Variants in SAMD12 observed in about 807,000 individuals in gnomAD.
SAMD12 encodes sterile alpha motif domain containing 12.
Under a neutral mutation model 15.0 loss-of-function variants are expected in SAMD12, and 9 were observed. The observed-to-expected ratio is 0.60, with a 90% confidence interval of 0.36 to 1.05. SAMD12 has a LOEUF of 1.05. Ranked by LOEUF, SAMD12 falls within the 50% of genes least tolerant of loss-of-function variation. SAMD12 has a pLI of 0.01. For synonymous variants in SAMD12, 86 were observed against 90.1 expected (o/e 0.96, Z 0.25); for missense variants, 230 against 234.2 (o/e 0.98, Z 0.12).
chr8:118,556,644 T>C (rs1826539731), intron 2 of SAMD12, among the ~76,000 whole-genome samples: 1 of 152,166 alleles, frequency 6.6e-6, no homozygotes, highest in African/African-American at 2.4e-5. Flanking sequence ...GAGTTTATCC[T>C]CAAGAAACTC....
intron 4 of SAMD12, among the ~76,000 whole-genome samples, chr8:118,241,761 T>C (rs1416608293): frequency 6.6e-6 from 1 of 152,144 alleles, no homozygotes; most frequent in Non-Finnish European, 1.5e-5. Context: ...AATGGTATGG[T>C]ATCAACAAAG....
chr8:118,348,327 C>T (rs1207002204), intron 4 of SAMD12, among the ~76,000 whole-genome samples: 2 of 151,978 alleles, frequency 1.3e-5, no homozygotes, highest in African/African-American at 4.8e-5. Context: ...CCTCGGCCTC[C>T]CAAAGTGTTG....
chr8:118,375,311 CTATGAG>C (rs1040326686), downstream of SAMD12, among the ~76,000 whole-genome samples: 41 of 152,126 alleles, frequency 2.7e-4, no homozygotes, highest in African/African-American at 5.5e-4. Context: ...AGTTGTCTGA[CTATGAG>C]TATATTACTT....
chr8:118,278,047 CAT>C (rs1813514083), intron 4 of SAMD12, among the ~76,000 whole-genome samples: 1 of 152,326 alleles, frequency 6.6e-6, no homozygotes, highest in East Asian at 1.9e-4. Context: ...TGTGGGAAAA[CAT>C]AAACAGTGAT....
At chr8:118,511,846 G>C (rs903493738) in intron 2 of SAMD12, among the ~76,000 whole-genome samples, 3 of 152,112 alleles carry the variant, frequency 2.0e-5, no homozygotes, top group Non-Finnish European at 4.4e-5. Context: ...ACACAAGAGG[G>C]ACATATACAA....
At chr8:118,305,796 CTGTT>C (rs1485777022) in intron 4 of SAMD12, among the ~76,000 whole-genome samples, 6 of 152,176 alleles carry the variant, frequency 3.9e-5, no homozygotes, top group Non-Finnish European at 7.3e-5. Flanking sequence ...TTTGCCTACT[CTGTT>C]TGCCTGGGAT....
intron 4 of SAMD12, among the ~76,000 whole-genome samples, chr8:118,264,614 T>G (rs1813156461): frequency 6.6e-6 from 1 of 151,948 alleles, no homozygotes; most frequent in South Asian, 2.1e-4. Context: ...ATGAAGTAAA[T>G]GTGCTAGAGT....
intron 2 of SAMD12, among the ~76,000 whole-genome samples, chr8:118,522,899 C>T (rs900838820): frequency 2.0e-5 from 3 of 152,112 alleles, no homozygotes; most frequent in East Asian, 1.9e-4. Flanking sequence ...GACATTTATA[C>T]GTATCCACAC....
chr8:118,356,369 C>T (rs925393947), intron 4 of SAMD12, among the ~76,000 whole-genome samples: 3 of 152,190 alleles, frequency 2.0e-5, no homozygotes, highest in African/African-American at 7.2e-5. Flanking sequence ...CCACCTGGCC[C>T]TGCAATGCTG....
Position 118,378,525 on chromosome 8 carries a change from G to A in SAMD12, c.*892C>T, listed in dbSNP as rs1819500900. ...CCTTCTAGAATAGTCATCTTTCAGG[G>A]AGCACATTATTTCCTCTAGGCAAAT... is the stretch of plus-strand genomic sequence containing the variant. On this transcript the variant is annotated 3_prime_UTR_variant, in exon 4 of 4. Transcript: ENST00000314727. 1 of 984,234 alleles carries A rather than the reference G, an allele frequency of 1.0e-6. No homozygotes were observed. The highest frequency in any genetic ancestry group is 1.7e-5 in the African/African-American group (1 of 57,148). The allele number at this position is 984,234 out of a possible 1,614,324, so 61.0% of individuals were successfully genotyped here.
chr8:118,615,602 A>C (rs1307912695), intron 1 of SAMD12, among the ~76,000 whole-genome samples: 4 of 151,892 alleles, frequency 2.6e-5, no homozygotes, highest in Non-Finnish European at 4.4e-5. Flanking sequence ...GCTGACACTC[A>C]CTCGCCAGAG....
chr8:118,522,204 ACACACACACACG>A lies in SAMD12; in HGVS notation c.192+58499_192+58510del, dbSNP rs373630800. 4.0e-3 allele frequency among the ~76,000 whole-genome samples: 558 copies of A among 138,688 alleles called. 6 individuals are homozygous for A. The highest frequency in any genetic ancestry group is 0.022 in the Middle Eastern group (6 of 276). The allele number at this position is 138,688 out of a possible 152,430, so 91.0% of individuals were successfully genotyped here. On this transcript the variant is annotated intron_variant, in intron 2 of 3. Transcript: ENST00000314727. ...TACACACACACACACACACATACAC[ACACACACACACG>A]ATAAAAAGAGAGAAATCAAACGAGA...
At chr8:118,558,707 T>C (rs1055034472) in intron 2 of SAMD12, among the ~76,000 whole-genome samples, 7 of 152,150 alleles carry the variant, frequency 4.6e-5, no homozygotes, top group East Asian at 1.9e-4. Context: ...TACAGGCGCG[T>C]GCCACCACGC....
chr8:118,231,691 G>A (rs1207599061), intron 4 of SAMD12, among the ~76,000 whole-genome samples: 1 of 152,064 alleles, frequency 6.6e-6, no homozygotes, highest in African/African-American at 2.4e-5. Context: ...TTGTGTGTTA[G>A]GCACTGAGGA....
chr8:118,571,969 C>T (rs1025258029), intron 2 of SAMD12, among the ~76,000 whole-genome samples: 1 of 152,132 alleles, frequency 6.6e-6, no homozygotes, highest in Non-Finnish European at 1.5e-5. Context: ...TAGCTTGCAC[C>T]ATGGGCCTGG....
At chr8:118,416,266 C>T (rs1821684481) in intron 3 of SAMD12, among the ~76,000 whole-genome samples, 1 of 152,084 alleles carries the variant, frequency 6.6e-6, no homozygotes, top group Admixed American at 6.5e-5. Context: ...ATTACGTTAT[C>T]CTTAACCATA....
rs114691187 is a variant in SAMD12, at chr8:118,421,285, C to T, written c.322+18547G>A. Among the ~76,000 whole-genome samples the T allele has an allele frequency of 7.9e-3, 1,207 of 152,308 alleles. 26 individuals carry two copies. The highest frequency in any genetic ancestry group is 0.026 in the African/African-American group (1,096 of 41,550). On this transcript the variant is annotated intron_variant, in intron 3 of 3. Transcript: ENST00000314727. ...TTATGCTCCTACTTATTTTCTACTTCCTTTAAATAAAATGCATTATTCTGA... is the reference window on the plus strand; with the variant it reads ...TTATGCTCCTACTTATTTTCTACTTTCTTTAAATAAAATGCATTATTCTGA...
At position 118,334,621 on chromosome 8, in the gene SAMD12, G is replaced by A. The variant is rs116534692; in HGVS notation, c.433+44939C>T. 5.7e-3 allele frequency among the ~76,000 whole-genome samples: 874 copies of A among 152,106 alleles called. 6 individuals carry two copies. The highest frequency in any genetic ancestry group is 0.02 in the African/African-American group (835 of 41,488). ...CCTTTCTCTTTTGTTTTTGAGACAG[G>A]GTCTCATTCTGTTACCCAGGCTGGA... On this transcript the variant is annotated intron_variant, in intron 4 of 4. Coordinates refer to the SAMD12 transcript ENST00000409003.
intron 1 of SAMD12, chr8:118,621,527 A>T (rs376942646): frequency 3.5e-5 from 17 of 490,708 alleles, no homozygotes; most frequent in East Asian, 9.7e-5. Context: ...CTTTCCCCCC[A>T]TTTCCAGGAT....
Sources: gnomAD v4.1 joint callset for allele counts (sites outside exome capture counted in the v4.1 genomes callset) on GRCh38, gnomAD v4.1.1 for gene constraint, MANE v1.5 for transcripts, NCBI Gene and HGNC (gene_info 2026-07-23, HGNC 2026-07-21) for gene names.